Variants in ANO3 observed in about 807,000 individuals in gnomAD.
ANO3 encodes anoctamin 3, also known as anoctamin-3.
Under a neutral mutation model 144.8 loss-of-function variants are expected in ANO3, and 99 were observed. That is an observed-to-expected ratio of 0.68 (90% CI 0.58 to 0.81). The LOEUF (loss-of-function observed/expected upper bound fraction) is 0.81. Among genes scored for constraint, ANO3 ranks in the 30% least tolerant of loss-of-function variants. The pLI is 0.00. For synonymous variants in ANO3, 414 were observed against 392.6 expected (o/e 1.05, Z -0.64); for missense variants, 905 against 1,202.2 (o/e 0.75, Z 3.66).
At chr11:26,319,165 C>A (rs376058873) in intron 1 of ANO3, among the ~76,000 whole-genome samples, 3 of 140,128 alleles carry the variant, frequency 2.1e-5, no homozygotes, top group East Asian at 2.5e-4. Context: ...TTATTATTAT[C>A]GTTATTATTA....
intron 1 of ANO3, among the ~76,000 whole-genome samples, chr11:26,235,143 C>A (rs185576684): frequency 1.0e-3 from 159 of 152,220 alleles, no homozygotes; most frequent in African/African-American, 3.7e-3. Flanking sequence ...ACTCAGTCCA[C>A]CAATTCAAAT....
chr11:26,486,693 A>C (rs1010823421), intron 4 of ANO3, among the ~76,000 whole-genome samples: 5 of 152,190 alleles, frequency 3.3e-5, no homozygotes, highest in Admixed American at 3.3e-4. Flanking sequence ...CTTATACACT[A>C]AATTGGTATG....
chr11:26,461,637 G>A (rs1478993556), intron 3 of ANO3, among the ~76,000 whole-genome samples: 2 of 152,074 alleles, frequency 1.3e-5, no homozygotes, highest in South Asian at 2.1e-4. Context: ...ATAAACAAAA[G>A]TTGAATGAAT....
At chr11:26,380,771 C>A (rs1856568222) in intron 1 of ANO3, among the ~76,000 whole-genome samples, 1 of 152,132 alleles carries the variant, frequency 6.6e-6, no homozygotes, top group East Asian at 1.9e-4. Flanking sequence ...AACCTGAGGT[C>A]AGGAGTTTAA....
chr11:26,378,855 TG>T (rs1344655534), intron 1 of ANO3, among the ~76,000 whole-genome samples: 1 of 151,540 alleles, frequency 6.6e-6, no homozygotes, highest in East Asian at 1.9e-4. Context: ...GTAAGGTGCT[TG>T]GCAAAGTTTG....
At chr11:26,655,665 CTGT>C (rs1264036617) in intron 24 of ANO3, among the ~76,000 whole-genome samples, 2 of 152,072 alleles carry the variant, frequency 1.3e-5, no homozygotes, top group Non-Finnish European at 2.9e-5. Flanking sequence ...GTTTTGTTCA[CTGT>C]TAAGTATCAA....
intron 1 of ANO3, among the ~76,000 whole-genome samples, chr11:26,197,360 T>C (rs1381076563): frequency 6.6e-6 from 1 of 152,124 alleles, no homozygotes; most frequent in Admixed American, 6.5e-5. Flanking sequence ...GTTTTTGTTT[T>C]TGTTTTGAGA....
intron 1 of ANO3, among the ~76,000 whole-genome samples, chr11:26,240,912 C>A (rs1852650036): frequency 6.6e-6 from 1 of 152,128 alleles, no homozygotes; most frequent in African/African-American, 2.4e-5. Context: ...CCTGTGTTAA[C>A]ATTTCTGCTT....
At chr11:26,492,753 C>T (rs913419539) in intron 4 of ANO3, among the ~76,000 whole-genome samples, 4 of 152,078 alleles carry the variant, frequency 2.6e-5, no homozygotes, top group Admixed American at 6.5e-5. Flanking sequence ...CAGAAGAACA[C>T]AAAATCAATT....
chr11:26,262,458 T>C (rs1853211357), intron 1 of ANO3, among the ~76,000 whole-genome samples: 1 of 152,166 alleles, frequency 6.6e-6, no homozygotes, highest in Non-Finnish European at 1.5e-5. Flanking sequence ...TGTTATATGT[T>C]CAGCTTCTCT....
intron 1 of ANO3, among the ~76,000 whole-genome samples, chr11:26,192,271 T>C (rs1851492807): frequency 6.6e-6 from 1 of 152,178 alleles, no homozygotes; most frequent in African/African-American, 2.4e-5. Context: ...TAGAGTCAAG[T>C]TTTATTTATT....
intron 1 of ANO3, among the ~76,000 whole-genome samples, chr11:26,192,736 C>T (rs577899760): frequency 1.2e-4 from 18 of 151,968 alleles, no homozygotes; most frequent in Non-Finnish European, 2.4e-4. Flanking sequence ...GCAGGACAGC[C>T]GAGAGAGAGC....
intron 1 of ANO3, among the ~76,000 whole-genome samples, chr11:26,230,166 C>A (rs1252048038): frequency 6.6e-6 from 1 of 152,096 alleles, no homozygotes. Flanking sequence ...GTGGATAGTT[C>A]AACAAAACAG....
intron 23 of ANO3, 111 bp from the exon 24 acceptor site, chr11:26,647,598 G>T: frequency 1.0e-6 from 1 of 966,430 alleles, no homozygotes; most frequent in Non-Finnish European, 1.5e-6. Flanking sequence ...GCACATAGTG[G>T]ACAGAGCTGT....
intron 1 of ANO3, among the ~76,000 whole-genome samples, chr11:26,201,242 G>A (rs533767181): frequency 2.2e-4 from 33 of 152,100 alleles, no homozygotes; most frequent in Non-Finnish European, 3.4e-4. Context: ...GTGAAAAAAG[G>A]AAAATACGTT....
Position 26,656,364 on chromosome 11 carries a change from TG to T in ANO3, c.2658-11del. 6.4e-7 allele frequency: 1 copy of T among 1,566,864 alleles called. No individual in the cohort carries two copies. Reference sequence around the variant, plus strand: ...CTCTATTTGTCATTCTCTTTGTTTTTGTGGATTTCAGGTACAGAGACTACAG... The same window carrying T: ...CTCTATTTGTCATTCTCTTTGTTTTTTGGATTTCAGGTACAGAGACTACAG... On this transcript the variant is annotated splice_polypyrimidine_tract_variant and intron_variant, in intron 25 of 26. Transcript: ENST00000256737.
intron 13 of ANO3, 49 bp downstream of exon 13, chr11:26,553,394 G>A: frequency 7.3e-7 from 1 of 1,370,758 alleles, no homozygotes; most frequent in Non-Finnish European, 1.0e-6. Flanking sequence ...CTGAGAAGCA[G>A]GCTGTAAGAA....
intron 4 of ANO3, among the ~76,000 whole-genome samples, chr11:26,487,530 A>T (rs1860502076): frequency 6.6e-6 from 1 of 152,160 alleles, no homozygotes; most frequent in African/African-American, 2.4e-5. Flanking sequence ...GAACTGGGTA[A>T]TAGGTGGAGG....
intron 1 of ANO3, among the ~76,000 whole-genome samples, chr11:26,191,784 G>A (rs145115199): frequency 0.01 from 1,585 of 151,978 alleles, 17 homozygotes; most frequent in Non-Finnish European, 0.018. Flanking sequence ...CTCTTTTTCC[G>A]AAATGCATAT....
Sources: gnomAD v4.1 joint callset for allele counts (sites outside exome capture counted in the v4.1 genomes callset) on GRCh38, gnomAD v4.1.1 for gene constraint, MANE v1.5 for transcripts, NCBI Gene and HGNC (gene_info 2026-07-23, HGNC 2026-07-21) for gene names.